TARS3: variants seen among roughly 807,000 people sequenced by gnomAD.
TARS3 encodes the protein threonyl-tRNA synthetase 3, also known as threonine--tRNA ligase 2, cytoplasmic.
Under a neutral mutation model 103.5 loss-of-function variants are expected in TARS3, and 94 were observed. That is an observed-to-expected ratio of 0.91 (90% confidence interval 0.77 to 1.08). TARS3 has a LOEUF of 1.08. TARS3 is among the 50% of genes least tolerant of loss of function. TARS3 has a pLI of 0.00. For missense variants in TARS3, 952 were observed against 995.2 expected (o/e 0.96, Z 0.58); for synonymous variants, 416 against 355.4 (o/e 1.17, Z -1.92).
At chr15:101,678,481 C>G (rs2141399538) in intron 12 of TARS3, among the ~76,000 whole-genome samples, 1 of 150,978 alleles carries the variant, frequency 6.6e-6, no homozygotes. Context: ...TCTATAGGTT[C>G]TCTTAGTGTA....
rs534444160 is a variant in TARS3, at chr15:101,666,817, A to T, written c.1967+4669T>A. On this transcript the variant is annotated intron_variant, in intron 15 of 18. Transcript: ENST00000335968. Reference sequence around the variant, plus strand: ...ATGAAACAAGATCAACAGAAATGGTAAATATTTGGTAAATATAATATAATG... The same window carrying T: ...ATGAAACAAGATCAACAGAAATGGTTAATATTTGGTAAATATAATATAATG... Among the ~76,000 whole-genome samples the T allele has an allele frequency of 2.6e-4, 39 of 152,352 alleles. 1 individual carries two copies. In the South Asian group the frequency reaches 7.9e-3, roughly 31 times the overall value.
Position 101,686,005 on chromosome 15 carries a change from T to A in TARS3, c.1378A>T (p.Lys460Ter). 1.2e-6 allele frequency: 2 copies of A among 1,613,980 alleles called. No homozygotes were observed. Among genetic ancestry groups the A allele is most frequent in the Non-Finnish European group, 1.7e-6 (2 of 1,179,880 alleles). ...EVLSPNMYNS[K>*]LWEASGHWQH... is the part of the protein sequence containing the mutation. ...CAGTGGCCTGAGGCTTCCCAGAGTT[T>A]ACTGTTGTACATATTGGGAGAGAGC... Residue 460 changes from lysine to a stop codon, truncating the protein, a stop_gained, in exon 11 of 19, where the codon AAA becomes TAA. Coordinates refer to ENST00000335968, the MANE Select transcript of TARS3 (RefSeq NM_152334.3). LOFTEE classifies it high-confidence loss of function.
chr15:101,682,744 C>T (rs1478245220), intron 12 of TARS3, among the ~76,000 whole-genome samples: 1 of 152,132 alleles, frequency 6.6e-6, no homozygotes, highest in Non-Finnish European at 1.5e-5. Flanking sequence ...GTAGAATTCA[C>T]CAGTAAAACC....
At chr15:101,676,249 C>T (rs564396137) in intron 12 of TARS3, among the ~76,000 whole-genome samples, 2 of 152,118 alleles carry the variant, frequency 1.3e-5, no homozygotes, top group South Asian at 2.1e-4. Flanking sequence ...CTGAGAACAA[C>T]GGGGAGGCAA....
chr15:101,691,789 A>G (rs1898736819), intron 10 of TARS3, among the ~76,000 whole-genome samples: 1 of 152,098 alleles, frequency 6.6e-6, no homozygotes. Context: ...TTGATCCTAG[A>G]TATCTATTTT....
At chr15:101,673,517 C>T (rs544893778) in intron 13 of TARS3, among the ~76,000 whole-genome samples, 29 of 152,338 alleles carry the variant, frequency 1.9e-4, no homozygotes, top group Middle Eastern at 6.8e-3. Context: ...CCATCGTTAT[C>T]ATCATCACCA....
Position 101,702,304 on chromosome 15 carries a change from T to C in TARS3, c.1156A>G (p.Met386Val). ...TGGAACTTTTCCCAGTCTCTCATCA[T>C]CTTGTTATCAGGAAAGGATATTCCA... ...IYGISFPDNKMMRDWEKFQEE... is the reference protein window; with the variant it reads ...IYGISFPDNKVMRDWEKFQEE... Residue 386 changes from methionine (M) to valine (V), a missense_variant, in exon 9 of 19, where the codon ATG becomes GTG. This residue lies in a region of TARS3 where 540 missense variants were observed against 631.0 expected (regional missense o/e 0.86). Coordinates refer to ENST00000335968, the MANE Select transcript of TARS3 (RefSeq NM_152334.3). 3 of 1,614,176 alleles carry C rather than the reference T, an allele frequency of 1.9e-6. No homozygotes were observed. The highest frequency in any genetic ancestry group is 4.5e-5 in the East Asian group (2 of 44,880).
Position 101,721,236 on chromosome 15 carries a change from A to C in TARS3, c.456T>G (p.Tyr152Ter), listed in dbSNP as rs1196498298. The change falls in exon 3 of 19, where the codon TAT becomes TAG. Residue 152 changes from tyrosine to a stop codon, truncating the protein, a stop_gained. Transcript: ENST00000335968. LOFTEE classifies it high-confidence loss of function. ...TGTTGCTTGTATCCCCCTTTTTTCC[A>C]TAAATGGCAAGTAAGAGCTGATGGT... ...KKDHQLLLAI[Y>*]GKKGDTSNII... 3 of 1,613,956 alleles carry C rather than the reference A, an allele frequency of 1.9e-6. No individual in the cohort carries two copies. The highest frequency in any genetic ancestry group is 2.5e-6 in the Non-Finnish European group (3 of 1,179,904).
chr15:101,671,135 CT>C (rs35829014), intron 15 of TARS3, among the ~76,000 whole-genome samples: 14 of 152,136 alleles, frequency 9.2e-5, no homozygotes, highest in African/African-American at 3.1e-4. Flanking sequence ...ATAAAATTGC[CT>C]TTTTTCCCCT....
In TARS3 at chr15:101,721,239, A is replaced by C. The variant is rs200147178; in HGVS notation, c.453T>G (p.Ile151Met). 2 of 1,614,006 alleles carry C rather than the reference A, an allele frequency of 1.2e-6. No homozygotes were observed. Among genetic ancestry groups the C allele is most frequent in the African/African-American group, 2.7e-5 (2 of 75,002 alleles). The change falls in exon 3 of 19, where the codon ATT becomes ATG. Residue 151 changes from isoleucine to methionine, a missense_variant. Coordinates refer to ENST00000335968, the MANE Select transcript of TARS3 (RefSeq NM_152334.3). ...LKKDHQLLLA[I>M]YGKKGDTSNI... is the part of the protein sequence containing the mutation. ...TGCTTGTATCCCCCTTTTTTCCATA[A>C]ATGGCAAGTAAGAGCTGATGGTCTT...
At chr15:101,723,067 A>G in intron 2 of TARS3, 26 bp downstream of exon 2, 1 of 1,602,096 alleles carries the variant, frequency 6.2e-7, no homozygotes, top group Non-Finnish European at 8.6e-7. Context: ...GTAGTATTTT[A>G]TATTGTTTCC....
intron 5 of TARS3, among the ~76,000 whole-genome samples, chr15:101,709,877 C>T (rs1567352985): frequency 6.6e-6 from 1 of 152,210 alleles, no homozygotes; most frequent in Admixed American, 6.5e-5. Context: ...AGATTTCTGG[C>T]ACAGGGTTTT....
chr15:101,708,278 A>G (rs1011197521), intron 6 of TARS3, among the ~76,000 whole-genome samples: 1 of 151,188 alleles, frequency 6.6e-6, no homozygotes, highest in Non-Finnish European at 1.5e-5. Context: ...AAAAAAAAAA[A>G]AAAAAAACCC....
chr15:101,714,967 A>G lies in TARS3; in HGVS notation c.567-4T>C. 1 of 1,606,232 alleles carries G rather than the reference A, an allele frequency of 6.2e-7. No individual in the cohort carries two copies. Among genetic ancestry groups the G allele is most frequent in the Non-Finnish European group, 8.5e-7 (1 of 1,176,234 alleles). Reference sequence around the variant, plus strand: ...CGTGCTTTCAGCCAGTTCCTGACTAAGAAGACAAAAGCCACTTGGGAGTTA... The same window carrying G: ...CGTGCTTTCAGCCAGTTCCTGACTAGGAAGACAAAAGCCACTTGGGAGTTA... On this transcript the variant is annotated splice_region_variant and splice_polypyrimidine_tract_variant and intron_variant, in intron 3 of 18. Coordinates refer to ENST00000335968, the MANE Select transcript of TARS3 (RefSeq NM_152334.3).
intron 7 of TARS3, 145 bp from the exon 8 acceptor site, chr15:101,704,082 G>A (rs1266417001): frequency 1.8e-6 from 1 of 544,236 alleles, no homozygotes; most frequent in Non-Finnish European, 3.2e-6. Flanking sequence ...GAAGGAGAGA[G>A]GTGATTCATC....
At chr15:101,699,375 C>T (rs1312196240) in intron 10 of TARS3, 2 of 455,872 alleles carry the variant, frequency 4.4e-6, no homozygotes, top group East Asian at 7.0e-5. Context: ...AGTGCCTTTA[C>T]AGTTTGGTGA....
intron 12 of TARS3, among the ~76,000 whole-genome samples, chr15:101,680,759 CCTGT>C (rs1168558629): frequency 6.6e-6 from 1 of 152,134 alleles, no homozygotes; most frequent in Non-Finnish European, 1.5e-5. Flanking sequence ...ACCTGTCTTT[CCTGT>C]CTATGATCAG....
At chr15:101,715,600 GC>G (rs1393647533) in intron 3 of TARS3, among the ~76,000 whole-genome samples, 1 of 152,170 alleles carries the variant, frequency 6.6e-6, no homozygotes, top group Non-Finnish European at 1.5e-5. Context: ...ACACATATGT[GC>G]TGTCTTTAAA....
At chr15:101,704,841 C>G (rs1000474860) in intron 7 of TARS3, among the ~76,000 whole-genome samples, 3 of 151,874 alleles carry the variant, frequency 2.0e-5, no homozygotes, top group Non-Finnish European at 4.4e-5. Context: ...CTGTTTTCTA[C>G]ATTTTCATTT....
Sources: gnomAD v4.1 joint callset for allele counts (sites outside exome capture counted in the v4.1 genomes callset) on GRCh38, gnomAD v4.1.1 for gene constraint, gnomAD v4.1.1 regional missense constraint, MANE v1.5 for transcripts, NCBI Gene and HGNC (gene_info 2026-07-23, HGNC 2026-07-21) for gene names.